Variants in CNTN1 observed in about 807,000 individuals in gnomAD.
CNTN1 encodes contactin 1.
In CNTN1, 38 loss-of-function variants were observed where a neutral mutation model predicts 126.4. The ratio of observed to expected loss-of-function variants is 0.30; its 90% CI spans 0.23 to 0.39. CNTN1 has a LOEUF of 0.39. CNTN1 is among the 10% of genes least tolerant of loss of function. The pLI, the probability that CNTN1 is intolerant of heterozygous loss-of-function variation, is 1.00. For missense variants in CNTN1, 1,009 were observed against 1,248.4 expected (o/e 0.81, Z 2.89); for synonymous variants, 413 against 422.6 (o/e 0.98, Z 0.28).
intron 16 of CNTN1, among the ~76,000 whole-genome samples, chr12:40,990,422 C>T (rs747894047): frequency 3.9e-5 from 6 of 152,082 alleles, no homozygotes; most frequent in African/African-American, 7.2e-5. Flanking sequence ...TAGGGTCCAC[C>T]TGCTTGAGGT....
At position 41,070,258 on chromosome 12, in the gene CNTN1, C is replaced by T. The variant is rs892595100; in HGVS notation, c.*223C>T. 5.0e-5 allele frequency: 29 copies of T among 575,980 alleles called. No homozygotes were observed. The highest frequency in any genetic ancestry group is 1.2e-4 in the Admixed American group (4 of 34,632). 35.7% of individuals were successfully genotyped at this position (575,980 alleles called of 1,614,324 possible). On this transcript the variant is annotated 3_prime_UTR_variant, in exon 24 of 24. Transcript: ENST00000551295. ...AAATGGATATAAATGATTTTTAACTCGTTCCAATATGCCTTATAAACCACT... is the reference window on the plus strand; with the variant it reads ...AAATGGATATAAATGATTTTTAACTTGTTCCAATATGCCTTATAAACCACT...
At position 41,042,726 on chromosome 12, in the gene CNTN1, A is replaced by C. The variant is rs530110589; in HGVS notation, c.2980+13507A>C. ...AAGCCAAAAGAACTAAGCTGGAGGC[A>C]TCACACTACCTGACTTCAAACTATA... is the stretch of plus-strand genomic sequence containing the variant. On this transcript the variant is annotated intron_variant, in intron 23 of 23. Transcript: ENST00000551295. Among the ~76,000 whole-genome samples, 601 of 152,328 alleles carry C rather than the reference A, an allele frequency of 3.9e-3. 7 individuals are homozygous for C. Among genetic ancestry groups the C allele is most frequent in the African/African-American group, 0.014 (579 of 41,570 alleles).
rs1291261771 is a variant in CNTN1 at position 41,029,204 on chromosome 12, C to G, written c.2965C>G (p.Gln989Glu). The G allele has an allele frequency of 6.2e-7, 1 of 1,613,994 alleles. No homozygotes were observed. Among genetic ancestry groups the G allele is most frequent in the Non-Finnish European group, 8.5e-7 (1 of 1,179,970 alleles). ...TGATGGAGGAGATGGAGTGGTGTCTCAAGTCAAAATTTCAGGTAAGTGAGT... is the reference window on the plus strand; with the variant it reads ...TGATGGAGGAGATGGAGTGGTGTCTGAAGTCAAAATTTCAGGTAAGTGAGT... Reference protein sequence around the residue: ...HSDGGDGVVSQVKISGAPTLS... With the variant: ...HSDGGDGVVSEVKISGAPTLS... Residue 989 changes from glutamine to glutamate, a missense_variant, in exon 23 of 24, where the codon CAA becomes GAA. Gln to Glu is a conservative substitution (Grantham distance 29). Coordinates refer to ENST00000551295, the MANE Select transcript of CNTN1 (RefSeq NM_001843.4).
intron 5 of CNTN1, among the ~76,000 whole-genome samples, chr12:40,923,725 G>A (rs968420505): frequency 6.6e-6 from 1 of 152,160 alleles, no homozygotes; most frequent in Non-Finnish European, 1.5e-5. Flanking sequence ...GAAATGTCAA[G>A]TAAGCTATTG....
At chr12:40,967,518 C>A (rs1439436730) in intron 15 of CNTN1, among the ~76,000 whole-genome samples, 2 of 151,856 alleles carry the variant, frequency 1.3e-5, no homozygotes, top group Non-Finnish European at 2.9e-5. Flanking sequence ...AAAAAATAAC[C>A]CTTCTACCAC....
At chr12:40,951,574 T>G (rs1946680808) in intron 14 of CNTN1, among the ~76,000 whole-genome samples, 3 of 151,026 alleles carry the variant, frequency 2.0e-5, no homozygotes, top group African/African-American at 7.3e-5. Context: ...CCTAGGGTGG[T>G]GGTGCACACC....
At chr12:40,855,472 C>A (rs1337796846) in intron 1 of CNTN1, among the ~76,000 whole-genome samples, 2 of 151,764 alleles carry the variant, frequency 1.3e-5, no homozygotes, top group East Asian at 3.9e-4. Flanking sequence ...TATTTTCATT[C>A]TCATGGATTT....
chr12:40,716,689 A>G (rs1942058524), intron 1 of CNTN1, among the ~76,000 whole-genome samples: 1 of 152,190 alleles, frequency 6.6e-6, no homozygotes. Context: ...TTTGGCAACA[A>G]TTATTACTGT....
chr12:41,068,299 G>T (rs1352410774), intron 23 of CNTN1, among the ~76,000 whole-genome samples: 1 of 152,122 alleles, frequency 6.6e-6, no homozygotes, highest in Non-Finnish European at 1.5e-5. Context: ...AGCCAACATA[G>T]TCTTGTAGCT....
intron 1 of CNTN1, among the ~76,000 whole-genome samples, chr12:40,736,118 G>A (rs11613963): frequency 0.23 from 35,051 of 151,920 alleles, 5,138 homozygotes; most frequent in South Asian, 0.43. Context: ...GTGAGCCAGG[G>A]CCAGTTTCTC....
intron 1 of CNTN1, among the ~76,000 whole-genome samples, chr12:40,760,119 T>C (rs932539385): frequency 1.3e-5 from 2 of 152,162 alleles, no homozygotes; most frequent in African/African-American, 4.8e-5. Flanking sequence ...TGCCAGGGGA[T>C]TTTATTGCTA....
chr12:41,056,946 ATAT>A (rs1254174715), intron 23 of CNTN1, among the ~76,000 whole-genome samples: 34 of 92,070 alleles, frequency 3.7e-4, no homozygotes, highest in South Asian at 2.6e-3. Flanking sequence ...AATATTTATA[ATAT>A]TTAGATATTT....
chr12:40,926,110 G>C lies in CNTN1; in HGVS notation c.496+1458G>C, dbSNP rs181976901. Among the ~76,000 whole-genome samples, 92 of 151,258 alleles carry C rather than the reference G, an allele frequency of 6.1e-4. 2 individuals carry two copies. In the East Asian group the frequency reaches 0.016, roughly 26 times the overall value. Reference sequence around the variant, plus strand: ...AGCCTTCAGAGGTCTTCCACGGGGAGAGTCAGACATTAATAAGATAAATGG... The same window carrying C: ...AGCCTTCAGAGGTCTTCCACGGGGACAGTCAGACATTAATAAGATAAATGG... On this transcript the variant is annotated intron_variant, in intron 6 of 23. Coordinates refer to ENST00000551295, the MANE Select transcript of CNTN1 (RefSeq NM_001843.4).
chr12:40,907,888 T>C (rs913668345), intron 1 of CNTN1, among the ~76,000 whole-genome samples: 1 of 152,270 alleles, frequency 6.6e-6, no homozygotes, highest in Non-Finnish European at 1.5e-5. Flanking sequence ...CCTTGTGTAA[T>C]GTCTGTGAGT....
intron 16 of CNTN1, among the ~76,000 whole-genome samples, chr12:40,984,927 G>GT (rs1947916341): frequency 6.6e-6 from 1 of 151,926 alleles, no homozygotes; most frequent in East Asian, 1.9e-4. Flanking sequence ...AGAGAAGATA[G>GT]AAGAAAAAAT....
intron 14 of CNTN1, among the ~76,000 whole-genome samples, chr12:40,955,533 A>G (rs536573306): frequency 6.6e-6 from 1 of 152,226 alleles, no homozygotes; most frequent in African/African-American, 2.4e-5. Context: ...TCATAACATT[A>G]TCATTATCTT....
intron 1 of CNTN1, among the ~76,000 whole-genome samples, chr12:40,807,214 A>G (rs984557422): frequency 4.6e-5 from 7 of 151,894 alleles, no homozygotes; most frequent in Non-Finnish European, 7.4e-5. Flanking sequence ...ATTCCTTTCT[A>G]TTTCACCTCC....
At chr12:41,019,738 C>A (rs1261595660) in intron 19 of CNTN1, among the ~76,000 whole-genome samples, 1 of 152,052 alleles carries the variant, frequency 6.6e-6, no homozygotes, top group African/African-American at 2.4e-5. Context: ...GTGGATGTTA[C>A]AACTTGTTTC....
rs1278052241 is a variant in CNTN1, at chr12:41,070,475, C to A, written c.*440C>A. 1 of 213,260 alleles carries A rather than the reference C, an allele frequency of 4.7e-6. No individual in the cohort carries two copies. The allele number at this position is 213,260 out of a possible 1,614,324, so 13.2% of individuals were successfully genotyped here. A position where few individuals can be genotyped will look rare whatever the true frequency, so the allele number is the denominator to read the frequency against. On this transcript the variant is annotated 3_prime_UTR_variant, in exon 24 of 24. Coordinates refer to ENST00000551295, the MANE Select transcript of CNTN1 (RefSeq NM_001843.4). ...GGTAAATGTAAGAGTAATACAGTCT[C>A]TTGTACTTTCCTCACTGTTTTGGGT...
Sources: gnomAD v4.1 joint callset for allele counts (sites outside exome capture counted in the v4.1 genomes callset) on GRCh38, gnomAD v4.1.1 for gene constraint, MANE v1.5 for transcripts, NCBI Gene and HGNC (gene_info 2026-07-23, HGNC 2026-07-21) for gene names.